The following WWTR1 variants were observed in gnomAD, a reference collection of about 807,000 sequenced individuals.
WWTR1 encodes WW domain-containing transcription regulator protein 1.
A neutral mutation model predicts 40.1 loss-of-function variants in WWTR1; 13 were observed. That is an observed-to-expected ratio of 0.32 (90% CI 0.21 to 0.52). WWTR1 has a LOEUF of 0.52. Among genes scored for constraint, WWTR1 ranks in the 20% least tolerant of loss-of-function variants. WWTR1 has a pLI of 0.97. For synonymous variants in WWTR1, 230 were observed against 210.1 expected (o/e 1.09, Z -0.82); for missense variants, 436 against 523.1 (o/e 0.83, Z 1.63).
At chr3:149,554,861 C>T (rs997160183) in intron 3 of WWTR1, among the ~76,000 whole-genome samples, 9 of 152,196 alleles carry the variant, frequency 5.9e-5, no homozygotes, top group African/African-American at 2.2e-4. Flanking sequence ...ATTATCTAGC[C>T]TGTGAAAAAG....
chr3:149,564,848 C>G (rs1737238455), intron 3 of WWTR1, among the ~76,000 whole-genome samples: 1 of 152,152 alleles, frequency 6.6e-6, no homozygotes, highest in Non-Finnish European at 1.5e-5. Flanking sequence ...CAAAGTTTTC[C>G]ATGTGTCTAC....
intron 4 of WWTR1, among the ~76,000 whole-genome samples, chr3:149,529,363 AGTTACTAGAGTTGGTTGCACT>A (rs1241950237): frequency 3.6e-4 from 55 of 152,194 alleles, no homozygotes; most frequent in African/African-American, 1.3e-3. Flanking sequence ...AAAAATTTTC[AGTTACTAGAGTTGGTTGCACT>A]GTTACAAACC....
intron 2 of WWTR1, among the ~76,000 whole-genome samples, chr3:149,613,388 G>A (rs1739820289): frequency 6.6e-6 from 1 of 152,174 alleles, no homozygotes; most frequent in African/African-American, 2.4e-5. Context: ...GCAAGACCCA[G>A]GGACCAAGGA....
chr3:149,521,205 A>C (rs2107894725), intron 6 of WWTR1, among the ~76,000 whole-genome samples: 1 of 152,342 alleles, frequency 6.6e-6, no homozygotes, highest in East Asian at 1.9e-4. Flanking sequence ...AGAAAGGAGC[A>C]TGTGAAAGGC....
chr3:149,706,064 G>T (rs368653337), upstream of WWTR1, among the ~76,000 whole-genome samples: 10 of 152,220 alleles, frequency 6.6e-5, no homozygotes, highest in East Asian at 1.7e-3. Flanking sequence ...GGTGGCATGT[G>T]CCTGTAGTCC....
chr3:149,633,518 C>T (rs117507853), intron 2 of WWTR1, among the ~76,000 whole-genome samples: 1,523 of 152,288 alleles, frequency 0.01, 12 homozygotes, highest in East Asian at 0.019. Context: ...GGCAAGCGTC[C>T]TACCTACTAA....
intron 3 of WWTR1, among the ~76,000 whole-genome samples, chr3:149,554,204 G>A (rs540789859): frequency 1.3e-5 from 2 of 152,184 alleles, no homozygotes; most frequent in South Asian, 2.1e-4. Context: ...TTTCTCAGCC[G>A]GCTCAGTTGA....
intron 1 of WWTR1, among the ~76,000 whole-genome samples, chr3:149,673,944 G>A (rs1714176875): frequency 6.6e-6 from 1 of 151,614 alleles, no homozygotes; most frequent in South Asian, 2.1e-4. Context: ...GGATATGATG[G>A]CTCATGTTTA....
intron 1 of WWTR1, among the ~76,000 whole-genome samples, chr3:149,694,259 T>G (rs1262484044): frequency 6.6e-6 from 1 of 152,144 alleles, no homozygotes; most frequent in Non-Finnish European, 1.5e-5. Context: ...CTGGGCATGG[T>G]GGCAGGCGCC....
intron 2 of WWTR1, among the ~76,000 whole-genome samples, chr3:149,647,392 C>T (rs1335248182): frequency 3.3e-5 from 5 of 152,166 alleles, no homozygotes; most frequent in African/African-American, 1.2e-4. Flanking sequence ...GCTGCCCAGG[C>T]AGGGCATCCT....
intron 2 of WWTR1, among the ~76,000 whole-genome samples, chr3:149,597,350 A>T (rs1739041745): frequency 6.7e-6 from 1 of 150,038 alleles, no homozygotes; most frequent in African/African-American, 2.5e-5. Flanking sequence ...TAATCCCAGC[A>T]CTTTGGAATG....
chr3:149,704,878 C>T (rs969543591), upstream of WWTR1, among the ~76,000 whole-genome samples: 7 of 147,974 alleles, frequency 4.7e-5, no homozygotes, highest in Admixed American at 3.4e-4. Context: ...CAACAAACAA[C>T]GAAAAACAAA....
At chr3:149,665,687 G>A (rs541660608) in intron 2 of WWTR1, among the ~76,000 whole-genome samples, 88 of 152,142 alleles carry the variant, frequency 5.8e-4, no homozygotes, top group African/African-American at 1.9e-3. Flanking sequence ...GAAAAATTAC[G>A]AAACAAAGAT....
intron 2 of WWTR1, among the ~76,000 whole-genome samples, chr3:149,641,207 C>T (rs936320982): frequency 1.4e-4 from 21 of 152,242 alleles, no homozygotes; most frequent in South Asian, 8.3e-4. Flanking sequence ...TATGATCTTT[C>T]GCTTCAGCTG....
rs140210656 is a variant in WWTR1 at position 149,664,799 on chromosome 3, C to A, written c.-4+4989G>T. On this transcript the variant is annotated intron_variant, in intron 2 of 7. Coordinates refer to the WWTR1 transcript ENST00000465804. The stretch of plus-strand genomic sequence containing the variant: ...ATGGGGTTTCTCTATGTTGGTCAGG[C>A]TGGTCTCGAACTCCTGATCTCAGGT... 4.5e-3 allele frequency among the ~76,000 whole-genome samples: 683 copies of A among 152,118 alleles called. 4 individuals carry two copies. Among genetic ancestry groups the A allele is most frequent in the African/African-American group, 0.015 (643 of 41,500 alleles).
exon 4 of WWTR1, chr3:149,724,153 T>C (rs906570382): frequency 1.3e-5 from 2 of 152,222 alleles, no homozygotes; most frequent in African/African-American, 2.4e-5. Flanking sequence ...CTCTGCCATC[T>C]TCTAGGAATT....
intron 1 of WWTR1, among the ~76,000 whole-genome samples, chr3:149,675,785 C>T (rs1327384196): frequency 6.6e-6 from 1 of 151,784 alleles, no homozygotes; most frequent in African/African-American, 2.4e-5. Flanking sequence ...GGCACGATCT[C>T]GGCTCACTGC....
At chr3:149,665,883 A>G (rs1713794310) in intron 2 of WWTR1, among the ~76,000 whole-genome samples, 1 of 152,230 alleles carries the variant, frequency 6.6e-6, no homozygotes, top group Admixed American at 6.5e-5. Flanking sequence ...CCATATTATT[A>G]GTATTATTTT....
At chr3:149,632,252 T>G (rs1488279238) in intron 2 of WWTR1, among the ~76,000 whole-genome samples, 2 of 152,192 alleles carry the variant, frequency 1.3e-5, no homozygotes, top group Non-Finnish European at 2.9e-5. Context: ...TTATTTATTT[T>G]TATAGCCTTG....
Sources: allele counts gnomAD v4.1 joint callset (sites outside exome capture counted in the v4.1 genomes callset), GRCh38; gene constraint gnomAD v4.1.1; transcripts MANE v1.5; gene names NCBI Gene and HGNC (gene_info 2026-07-23, HGNC 2026-07-21).